Variants in PAWR observed in about 807,000 individuals in gnomAD.
The protein encoded by PAWR is PRKC apoptosis WT1 regulator protein.
A neutral mutation model predicts 32.0 loss-of-function variants in PAWR; 23 were observed. The observed-to-expected ratio is 0.72, with a 90% CI of 0.52 to 1.02. The LOEUF is 1.02. Ranked by LOEUF, PAWR falls within the 50% of genes least tolerant of loss-of-function variation. The pLI, the probability that PAWR is intolerant of heterozygous loss-of-function variation, is 0.00. For synonymous variants in PAWR, 226 were observed against 187.1 expected (o/e 1.21, Z -1.70); for missense variants, 457 against 437.7 (o/e 1.04, Z -0.39).
At chr12:79,618,062 G>T (rs1874828795) in intron 3 of PAWR, among the ~76,000 whole-genome samples, 1 of 152,010 alleles carries the variant, frequency 6.6e-6, no homozygotes, top group Admixed American at 6.6e-5. Flanking sequence ...TCCAATCTCA[G>T]GTGTCTCTTT....
chr12:79,681,866 A>G (rs898521369), intron 2 of PAWR, among the ~76,000 whole-genome samples: 2 of 152,200 alleles, frequency 1.3e-5, no homozygotes, highest in African/African-American at 2.4e-5. Context: ...TTTTATTCCT[A>G]TTCCTCAAGC....
chr12:79,603,665 CT>C (rs1205305758), intron 4 of PAWR: 68 of 141,464 alleles, frequency 4.8e-4, no homozygotes, highest in African/African-American at 1.7e-3. Context: ...CATCATTATG[CT>C]ATTTTTTTTT....
rs1481717086 is a variant in PAWR, at chr12:79,592,252, G to A, written c.*355C>T. On this transcript the variant is annotated 3_prime_UTR_variant, in exon 7 of 7. Coordinates refer to ENST00000328827, the MANE Select transcript of PAWR (RefSeq NM_002583.4). ...ACATCCCAAAAGTATTTGAACTCAT[G>A]TAAACAAAGACTATGTATATTCCTA... is the stretch of plus-strand genomic sequence containing the variant. 9 of 207,910 alleles carry A rather than the reference G, an allele frequency of 4.3e-5. No homozygotes were observed. Among genetic ancestry groups the A allele is most frequent in the South Asian group, 4.2e-4 (5 of 11,994 alleles). The allele number at this position is 207,910 out of a possible 1,614,324, so 12.9% of individuals were successfully genotyped here.
chr12:79,611,166 CTT>C (rs1874418557), intron 4 of PAWR, among the ~76,000 whole-genome samples: 1 of 144,852 alleles, frequency 6.9e-6, no homozygotes, highest in South Asian at 2.1e-4. Context: ...TTATATAAAT[CTT>C]ATAGATATTT....
At chr12:79,604,722 C>G in intron 4 of PAWR, 1 of 1,284,654 alleles carries the variant, frequency 7.8e-7, no homozygotes, top group Non-Finnish European at 1.0e-6. Context: ...ATCTCTCTTC[C>G]TTTAAATACA....
At chr12:79,595,502 T>C (rs1873717332) in intron 5 of PAWR, among the ~76,000 whole-genome samples, 1 of 152,262 alleles carries the variant, frequency 6.6e-6, no homozygotes, top group Non-Finnish European at 1.5e-5. Context: ...TCTGGGCAAC[T>C]ATCTTCAAAA....
intron 2 of PAWR, among the ~76,000 whole-genome samples, chr12:79,689,473 G>T (rs1344971632): frequency 6.6e-6 from 1 of 152,118 alleles, no homozygotes; most frequent in Admixed American, 6.5e-5. Context: ...TTTCTACCAC[G>T]GTAAAAAAGG....
chr12:79,631,012 C>T (rs969371504), intron 2 of PAWR, among the ~76,000 whole-genome samples: 6 of 152,076 alleles, frequency 3.9e-5, no homozygotes, highest in African/African-American at 1.2e-4. Flanking sequence ...CAGTAAAACA[C>T]TTTGTTTAAC....
Position 79,629,526 on chromosome 12 carries a change from T to G in PAWR, c.517-8319A>C, listed in dbSNP as rs1325742569. On this transcript the variant is annotated intron_variant, in intron 2 of 6. Transcript: ENST00000328827. ...AATAAAAATGGGCAAATCCACAAAT[T>G]CAGTTGGAGATTTCAACACTTCTCT... is the stretch of plus-strand genomic sequence containing the variant. Among the ~76,000 whole-genome samples the G allele has an allele frequency of 2.0e-5, 3 of 151,950 alleles. No homozygotes were observed. In the East Asian group the frequency reaches 5.8e-4, roughly 29 times the overall value.
intron 2 of PAWR, among the ~76,000 whole-genome samples, chr12:79,647,684 G>C (rs957908392): frequency 6.6e-6 from 1 of 152,120 alleles, no homozygotes; most frequent in African/African-American, 2.4e-5. Flanking sequence ...GCCTTTTACA[G>C]ATTAAAAATC....
At chr12:79,626,854 C>T (rs1875353428) in intron 2 of PAWR, among the ~76,000 whole-genome samples, 1 of 151,922 alleles carries the variant, frequency 6.6e-6, no homozygotes, top group South Asian at 2.1e-4. Flanking sequence ...GTTTTCTGTC[C>T]TTGCGATAAT....
chr12:79,687,558 T>C (rs1021756528), intron 2 of PAWR, among the ~76,000 whole-genome samples: 1 of 152,170 alleles, frequency 6.6e-6, no homozygotes, highest in African/African-American at 2.4e-5. Flanking sequence ...TATAAAGAGA[T>C]TGGTCATTTT....
At chr12:79,606,604 G>A (rs1328931837) in intron 4 of PAWR, among the ~76,000 whole-genome samples, 3 of 151,922 alleles carry the variant, frequency 2.0e-5, no homozygotes, top group Admixed American at 6.6e-5. Flanking sequence ...GTTACTTTTC[G>A]GGAAAAAATA....
intron 2 of PAWR, among the ~76,000 whole-genome samples, chr12:79,639,658 A>C (rs1876182193): frequency 1.3e-5 from 2 of 152,196 alleles, no homozygotes; most frequent in South Asian, 4.1e-4. Flanking sequence ...CTTCATTTTC[A>C]AGAATTTTTC....
chr12:79,648,187 C>A (rs374632210), intron 2 of PAWR, among the ~76,000 whole-genome samples: 1 of 152,080 alleles, frequency 6.6e-6, no homozygotes, highest in East Asian at 1.9e-4. Context: ...TTTATAAAAT[C>A]CATAAAGTAA....
At chr12:79,638,201 A>T (rs1876060174) in intron 2 of PAWR, among the ~76,000 whole-genome samples, 1 of 151,220 alleles carries the variant, frequency 6.6e-6, no homozygotes, top group Non-Finnish European at 1.5e-5. Context: ...TCTCACCCTT[A>T]TTTTTTCAAC....
intron 2 of PAWR, among the ~76,000 whole-genome samples, chr12:79,633,729 C>T (rs1029027189): frequency 1.3e-5 from 2 of 152,016 alleles, no homozygotes; most frequent in Non-Finnish European, 2.9e-5. Context: ...CATTTGCATC[C>T]TTATTTAAAG....
chr12:79,679,589 T>C (rs1402712131), intron 2 of PAWR, among the ~76,000 whole-genome samples: 1 of 152,176 alleles, frequency 6.6e-6, no homozygotes, highest in Non-Finnish European at 1.5e-5. Flanking sequence ...AGGTAGAGGC[T>C]GAGTATTTAA....
At chr12:79,633,879 A>C (rs1015031587) in intron 2 of PAWR, among the ~76,000 whole-genome samples, 1 of 152,178 alleles carries the variant, frequency 6.6e-6, no homozygotes, top group South Asian at 2.1e-4. Context: ...TATATTTTAG[A>C]GATGTATACT....
Sources: allele counts gnomAD v4.1 joint callset (sites outside exome capture counted in the v4.1 genomes callset), GRCh38; gene constraint gnomAD v4.1.1; transcripts MANE v1.5; gene names NCBI Gene and HGNC (gene_info 2026-07-23, HGNC 2026-07-21).